The following PAK2 variants were observed in gnomAD, a reference collection of about 807,000 sequenced individuals.
PAK2 encodes the protein serine/threonine-protein kinase PAK 2.
In PAK2, 21 loss-of-function variants were observed where a neutral mutation model predicts 65.9. That is an observed-to-expected ratio of 0.32 (90% CI 0.23 to 0.46). PAK2 has a LOEUF of 0.46. Ranked by LOEUF, PAK2 falls within the 20% of genes least tolerant of loss-of-function variation. The pLI is 1.00. For missense variants in PAK2, 324 were observed against 642.6 expected (o/e 0.50, Z 5.36); for synonymous variants, 204 against 219.7 (o/e 0.93, Z 0.63).
intron 1 of PAK2, among the ~76,000 whole-genome samples, chr3:196,772,670 G>C (rs1228384756): frequency 1.3e-5 from 2 of 152,102 alleles, no homozygotes; most frequent in East Asian, 1.9e-4. Context: ...CTTCTGTTTA[G>C]AGTGTGTGTT....
At position 196,759,596 on chromosome 3, in the gene PAK2, G is replaced by A. The variant is rs1219090870; in HGVS notation, c.-22+19439G>A. Among the ~76,000 whole-genome samples, 5 of 137,134 alleles carry A rather than the reference G, an allele frequency of 3.6e-5. No individual in the cohort carries two copies. The East Asian group carries it at 1.1e-3, about 30-fold the overall frequency. The allele number at this position is 137,134 out of a possible 152,430, so 90.0% of individuals were successfully genotyped here. A position where few individuals can be genotyped will look rare whatever the true frequency, so the allele number is the denominator to read the frequency against. On this transcript the variant is annotated intron_variant, in intron 1 of 14. Coordinates refer to ENST00000327134, the MANE Select transcript of PAK2 (RefSeq NM_002577.4). Reference sequence around the variant, plus strand: ...GGCTGGAGTACAGTGGCGTGATCTCGGCCCACTGCAACCTCTGCCTCCCAG... The same window carrying A: ...GGCTGGAGTACAGTGGCGTGATCTCAGCCCACTGCAACCTCTGCCTCCCAG...
intron 2 of PAK2, among the ~76,000 whole-genome samples, chr3:196,788,895 G>A (rs527737895): frequency 6.6e-6 from 1 of 152,310 alleles, no homozygotes; most frequent in Non-Finnish European, 1.5e-5. Context: ...CAGGGTGTAT[G>A]TAGGCACTAC....
intron 1 of PAK2, among the ~76,000 whole-genome samples, chr3:196,741,652 ATTG>A (rs1324968233): frequency 6.6e-6 from 1 of 152,194 alleles, no homozygotes; most frequent in African/African-American, 2.4e-5. Flanking sequence ...TAAGTAGCCC[ATTG>A]TTACCTTTCC....
At chr3:196,809,078 AAAAAAAAG>A (rs1214881673) in intron 7 of PAK2, among the ~76,000 whole-genome samples, 56 of 151,346 alleles carry the variant, frequency 3.7e-4, no homozygotes, top group Middle Eastern at 3.4e-3. Context: ...ACCCCCTCAA[AAAAAAAAG>A]AAAAAAAGAA....
At chr3:196,807,689 C>T in intron 6 of PAK2, 93 bp from the exon 7 acceptor site, 1 of 700,962 alleles carries the variant, frequency 1.4e-6, no homozygotes, top group Admixed American at 2.5e-5. Flanking sequence ...CTACTTAGTT[C>T]AGGTTAAAAA....
At chr3:196,751,369 C>G (rs1281950300) in intron 1 of PAK2, among the ~76,000 whole-genome samples, 2 of 151,666 alleles carry the variant, frequency 1.3e-5, no homozygotes, top group African/African-American at 4.9e-5. Context: ...AAATATTGGC[C>G]AAGCATAGTG....
At chr3:196,805,068 A>G (rs1715544805) in intron 4 of PAK2, among the ~76,000 whole-genome samples, 1 of 152,026 alleles carries the variant, frequency 6.6e-6, no homozygotes, top group Non-Finnish European at 1.5e-5. Flanking sequence ...CTAAATTTTG[A>G]TAGCTTTATT....
At chr3:196,782,923 A>G in intron 2 of PAK2, 90 bp downstream of exon 2, 1 of 748,212 alleles carries the variant, frequency 1.3e-6, no homozygotes, top group East Asian at 2.7e-5. Context: ...AGAACATTAA[A>G]ACAGATCATG....
At chr3:196,789,587 C>T (rs750122583) in intron 2 of PAK2, among the ~76,000 whole-genome samples, 25 of 152,136 alleles carry the variant, frequency 1.6e-4, no homozygotes, top group African/African-American at 6.0e-4. Flanking sequence ...CTCAGCCTCC[C>T]GAGTAGCTGG....
At chr3:196,821,563 A>G (rs963653117) in intron 13 of PAK2, among the ~76,000 whole-genome samples, 2 of 151,850 alleles carry the variant, frequency 1.3e-5, no homozygotes, top group South Asian at 2.1e-4. Context: ...GGTGCCTGTA[A>G]TCCCAGCTAC....
At chr3:196,744,524 C>T (rs1713305035) in intron 1 of PAK2, among the ~76,000 whole-genome samples, 1 of 152,118 alleles carries the variant, frequency 6.6e-6, no homozygotes. Flanking sequence ...GGTGACAGAG[C>T]AAGACCCTGT....
At chr3:196,759,504 T>TG (rs1279596572) in intron 1 of PAK2, among the ~76,000 whole-genome samples, 5 of 13,814 alleles carry the variant, frequency 3.6e-4, no homozygotes, top group Non-Finnish European at 3.2e-4. Flanking sequence ...TTTTGTTTTT[T>TG]TTTTTTTTTT....
chr3:196,778,002 G>A (rs923517388), intron 1 of PAK2, among the ~76,000 whole-genome samples: 6 of 151,878 alleles, frequency 4.0e-5, no homozygotes, highest in African/African-American at 1.2e-4. Context: ...GAACATTTGC[G>A]TCCCCCAGAG....
chr3:196,770,944 T>C (rs1435581376), intron 1 of PAK2, among the ~76,000 whole-genome samples: 2 of 152,004 alleles, frequency 1.3e-5, no homozygotes, highest in Non-Finnish European at 2.9e-5. Flanking sequence ...TATATAGTCT[T>C]TAAATCTCCA....
chr3:196,761,111 C>T (rs896448157), intron 1 of PAK2, among the ~76,000 whole-genome samples: 9 of 150,320 alleles, frequency 6.0e-5, no homozygotes, highest in Non-Finnish European at 8.8e-5. Context: ...ACCTGTAATC[C>T]CGGCTACTCG....
intron 1 of PAK2, among the ~76,000 whole-genome samples, chr3:196,775,566 A>G (rs575259450): frequency 9.2e-5 from 14 of 152,146 alleles, no homozygotes; most frequent in Non-Finnish European, 1.8e-4. Context: ...TATTTTTAGT[A>G]GAGACGGGGT....
At chr3:196,767,660 TTC>T (rs1714216145) in intron 1 of PAK2, among the ~76,000 whole-genome samples, 1 of 151,938 alleles carries the variant, frequency 6.6e-6, no homozygotes, top group Non-Finnish European at 1.5e-5. Context: ...AGCTAATTTT[TTC>T]TGTGTGTGCT....
At chr3:196,763,070 AC>A (rs1179366910) in intron 1 of PAK2, among the ~76,000 whole-genome samples, 5 of 151,856 alleles carry the variant, frequency 3.3e-5, no homozygotes, top group African/African-American at 1.2e-4. Context: ...TAGACCCCCC[AC>A]CCCCTGCCTG....
In PAK2 at chr3:196,759,493, TTTTTG is replaced by T. The variant is rs1455051466; in HGVS notation, c.-22+19341_-22+19345del. Among the ~76,000 whole-genome samples the T allele has an allele frequency of 2.4e-4, 26 of 108,894 alleles. 1 individual carries two copies. Among genetic ancestry groups the T allele is most frequent in the East Asian group, 1.1e-3 (3 of 2,648 alleles). 71.4% of individuals were successfully genotyped at this position (108,894 alleles called of 152,430 possible). On this transcript the variant is annotated intron_variant, in intron 1 of 14. Transcript: ENST00000327134. ...TTTAAGGTATACAGTTAAGTGGTTT[TTTTTG>T]TTTTTTTTTTTTTTTTTTTTTTTTT...
Sources: gnomAD v4.1 joint callset for allele counts (sites outside exome capture counted in the v4.1 genomes callset) on GRCh38, gnomAD v4.1.1 for gene constraint, MANE v1.5 for transcripts, NCBI Gene and HGNC (gene_info 2026-07-23, HGNC 2026-07-21) for gene names.